Variants in PARPBP observed in about 807,000 individuals in gnomAD.
PARPBP encodes PARP1 binding protein, also known as PCNA-interacting partner.
PARPBP carries 52 observed loss-of-function variants against 50.0 expected under a neutral mutation model. The ratio of observed to expected loss-of-function variants is 1.04; its 90% CI spans 0.83 to 1.31. The LOEUF (loss-of-function observed/expected upper bound fraction) is 1.31, where lower values mean the gene tolerates loss of function less well. PARPBP is among the 50% of genes most tolerant of loss of function. The pLI is 0.00. For missense variants in PARPBP, 697 were observed against 672.0 expected, an observed-to-expected ratio of 1.04 and a Z score of -0.41; for synonymous variants, 244 against 232.1, an observed-to-expected ratio of 1.05 and a Z score of -0.47.
chr12:102,137,167 A>G (rs1883766534), intron 2 of PARPBP, among the ~76,000 whole-genome samples: 1 of 152,026 alleles, frequency 6.6e-6, no homozygotes, highest in African/African-American at 2.4e-5. Context: ...GTTAGCCAGG[A>G]TGGTCTCGAT....
Position 102,195,333 on chromosome 12 carries a change from T to C in PARPBP, c.1285T>C (p.Ser429Pro), listed in dbSNP as rs774937615. Residue 429 changes from serine to proline, a missense_variant, in exon 10 of 11, where the codon TCC becomes CCC. By Grantham distance (74) the Ser-to-Pro change is moderately conservative. Transcript: ENST00000327680. ...KIKMKQTLIRSQFACTYKDDY... is the reference protein window; with the variant it reads ...KIKMKQTLIRPQFACTYKDDY... ...CTAGATGAAGCAAACTTTAATTAGA[T>C]CCCAATTTGCTTGTACTTATAAAGA... is the stretch of plus-strand genomic sequence containing the variant. 2 of 1,555,602 alleles carry C rather than the reference T, an allele frequency of 1.3e-6. No homozygotes were observed. Among genetic ancestry groups the C allele is most frequent in the South Asian group, 2.4e-5 (2 of 84,402 alleles).
At chr12:102,137,900 A>G (rs1883905896) in intron 2 of PARPBP, among the ~76,000 whole-genome samples, 2 of 152,182 alleles carry the variant, frequency 1.3e-5, no homozygotes, top group African/African-American at 2.4e-5. Flanking sequence ...AATCCAGTCT[A>G]TCATTCTTGG....
intron 2 of PARPBP, among the ~76,000 whole-genome samples, chr12:102,144,106 A>G (rs1449848157): frequency 6.6e-6 from 1 of 152,208 alleles, no homozygotes; most frequent in East Asian, 1.9e-4. Flanking sequence ...AAACTGACTC[A>G]GGGGTTTCAG....
chr12:102,170,294 C>G (rs1888560335), intron 6 of PARPBP, among the ~76,000 whole-genome samples: 1 of 152,212 alleles, frequency 6.6e-6, no homozygotes, highest in Non-Finnish European at 1.5e-5. Flanking sequence ...TGAGAATATG[C>G]TCTCAGAAAT....
Position 102,123,969 on chromosome 12 carries a change from G to A in PARPBP, c.81G>A (p.Glu27=), listed in dbSNP as rs1467836290. 6.5e-7 allele frequency: 1 copy of A among 1,534,562 alleles called. No individual in the cohort carries two copies. ...ATTGGCGTGCTCTTTGTAACTCTGA[G>A]AGAACTACTCTATGTGGTGCAGACT... ...RKNWRALCNS[E]RTTLCGADSM... Residue 27 remains glutamate, a synonymous_variant, in exon 2 of 11, where the codon GAG becomes GAA. Transcript: ENST00000327680.
At position 102,197,514 on chromosome 12, in the gene PARPBP, C is replaced by T. The variant is rs1311656558; in HGVS notation, c.*1223C>T. The T allele has an allele frequency of 6.3e-7, 1 of 1,596,468 alleles. No individual in the cohort carries two copies. Among genetic ancestry groups the T allele is most frequent in the Non-Finnish European group, 8.5e-7 (1 of 1,173,236 alleles). ...TTGAAATAAACGACAAGTCACATTG[C>T]CACTTACCTTTGAAACTTTATTTTC... is the stretch of plus-strand genomic sequence containing the variant. On this transcript the variant is annotated 3_prime_UTR_variant, in exon 11 of 11. Transcript: ENST00000327680.
chr12:102,175,383 T>G, intron 6 of PARPBP, 100 bp from the exon 7 acceptor site: 1 of 720,872 alleles, frequency 1.4e-6, no homozygotes, highest in Non-Finnish European at 2.3e-6. Context: ...CAAAGCTATA[T>G]TCTTTGAAAA....
At chr12:102,134,850 TA>T (rs1883385589) in intron 2 of PARPBP, among the ~76,000 whole-genome samples, 1 of 152,138 alleles carries the variant, frequency 6.6e-6, no homozygotes. Flanking sequence ...CTAATTCTTT[TA>T]TTTTTTTATA....
At chr12:102,157,785 T>C (rs934241900) in intron 4 of PARPBP, among the ~76,000 whole-genome samples, 3 of 152,116 alleles carry the variant, frequency 2.0e-5, no homozygotes, top group Non-Finnish European at 2.9e-5. Flanking sequence ...TAAGCATTGA[T>C]GATCCTGACT....
At chr12:102,131,286 C>T (rs1565852190) in intron 2 of PARPBP, among the ~76,000 whole-genome samples, 1 of 152,188 alleles carries the variant, frequency 6.6e-6, no homozygotes, top group Admixed American at 6.5e-5. Context: ...GATTACACCA[C>T]TGCACTCCAG....
At chr12:102,191,715 G>T (rs1288881787) in intron 9 of PARPBP, among the ~76,000 whole-genome samples, 1 of 152,118 alleles carries the variant, frequency 6.6e-6, no homozygotes, top group East Asian at 1.9e-4. Flanking sequence ...GACTTTTCCA[G>T]TTCTTGGCAA....
rs1644556559 is a variant in PARPBP, at chr12:102,120,189, A to AGCGGCGACAGCGGCGACT, written c.-94_-77dup. 2 of 244,242 alleles carry AGCGGCGACAGCGGCGACT rather than the reference A, an allele frequency of 8.2e-6. No homozygotes were observed. Among genetic ancestry groups the AGCGGCGACAGCGGCGACT allele is most frequent in the African/African-American group, 2.3e-5 (1 of 43,322 alleles). The allele number at this position is 244,242 out of a possible 1,614,324, so 15.1% of individuals were successfully genotyped here. The stretch of plus-strand genomic sequence containing the variant: ...CTCCCGCGAGGTTTGAACTGTATTC[A>AGCGGCGACAGCGGCGACT]GCGGCGACAGCGGCGACTGCGGCGG... On this transcript the variant is annotated 5_prime_UTR_variant, in exon 1 of 11. Coordinates refer to ENST00000327680, the MANE Select transcript of PARPBP (RefSeq NM_017915.5).
chr12:102,181,625 C>T (rs746533589), intron 8 of PARPBP, among the ~76,000 whole-genome samples: 4 of 152,168 alleles, frequency 2.6e-5, no homozygotes, highest in Admixed American at 6.5e-5. Context: ...AGCACATGAC[C>T]GTATTATAAA....
chr12:102,148,437 T>C lies in PARPBP; in HGVS notation c.361T>C (p.Cys121Arg), dbSNP rs1319540483. 1 of 1,462,626 alleles carries C rather than the reference T, an allele frequency of 6.8e-7. No individual in the cohort carries two copies. The highest frequency in any genetic ancestry group is 9.5e-7 in the Non-Finnish European group (1 of 1,047,582). The allele number at this position is 1,462,626 out of a possible 1,614,324, so 90.6% of individuals were successfully genotyped here. Residue 121 changes from cysteine to arginine, a missense_variant, in exon 3 of 11, where the codon TGT becomes CGT. By Grantham distance (180) the Cys-to-Arg change is radical. Transcript: ENST00000327680. ...YQKCRALTSN[C>R]ENYNTVSPSQ... ...AAAATGTAGGGCTTTGACTTCTAAT[T>C]GTGAAAATTATAACACAGTATCTCC...
At chr12:102,121,691 T>C (rs753804864) in intron 1 of PARPBP, among the ~76,000 whole-genome samples, 15 of 151,768 alleles carry the variant, frequency 9.9e-5, no homozygotes, top group African/African-American at 3.6e-4. Flanking sequence ...GTAGCTGGGG[T>C]TAGAGGCACA....
chr12:102,136,054 C>A (rs1337904424), intron 2 of PARPBP, among the ~76,000 whole-genome samples: 1 of 152,098 alleles, frequency 6.6e-6, no homozygotes, highest in Non-Finnish European at 1.5e-5. Context: ...GGAGTCTCTC[C>A]CACATCAATT....
chr12:102,196,461 A>G lies in PARPBP; in HGVS notation c.*170A>G, dbSNP rs1891324395. The G allele has an allele frequency of 1.4e-6, 1 of 724,006 alleles. No individual in the cohort carries two copies. The highest frequency in any genetic ancestry group is 2.4e-6 in the Non-Finnish European group (1 of 420,654). The allele number at this position is 724,006 out of a possible 1,614,324, so 44.8% of individuals were successfully genotyped here. ...TTAAAAATACTAGTAAGTCATAATT[A>G]TGCAGAATTTTCACAAAGTTTAATG... On this transcript the variant is annotated 3_prime_UTR_variant, in exon 11 of 11. Transcript: ENST00000327680.
chr12:102,170,878 C>T (rs1197507706), intron 6 of PARPBP, among the ~76,000 whole-genome samples: 5 of 134,656 alleles, frequency 3.7e-5, no homozygotes. Flanking sequence ...TATCCTTATT[C>T]TATATGCTTT....
At chr12:102,127,984 C>G (rs1325320878) in intron 2 of PARPBP, among the ~76,000 whole-genome samples, 1 of 152,058 alleles carries the variant, frequency 6.6e-6, no homozygotes, top group East Asian at 1.9e-4. Flanking sequence ...CTTAACTGAG[C>G]AAATTAATAT....
Sources: gnomAD v4.1 joint callset for allele counts (sites outside exome capture counted in the v4.1 genomes callset) on GRCh38, gnomAD v4.1.1 for gene constraint, MANE v1.5 for transcripts, NCBI Gene and HGNC (gene_info 2026-07-23, HGNC 2026-07-21) for gene names.